The following CCM2L variants were observed in gnomAD, a reference collection of about 807,000 sequenced individuals.
CCM2L encodes the protein CCM2 like scaffold protein, also known as cerebral cavernous malformations 2 protein-like.
Under a neutral mutation model 54.1 loss-of-function variants are expected in CCM2L, and 36 were observed. The observed-to-expected ratio is 0.67, with a 90% CI of 0.51 to 0.88. The LOEUF (loss-of-function observed/expected upper bound fraction) is 0.88, where lower values mean the gene tolerates loss of function less well. Ranked by LOEUF, CCM2L falls within the 40% of genes least tolerant of loss-of-function variation. The pLI, the probability that CCM2L is intolerant of heterozygous loss-of-function variation, is 0.00. For synonymous variants in CCM2L, 351 were observed against 359.3 expected (o/e 0.98, Z 0.26); for missense variants, 700 against 812.1 (o/e 0.86, Z 1.68).
At chr20:32,028,907 G>A in intron 7 of CCM2L, 88 bp from the exon 8 acceptor site, 1 of 1,559,080 alleles carries the variant, frequency 6.4e-7, no homozygotes, top group South Asian at 1.2e-5. Context: ...CCAGCATGCA[G>A]TCTAGGATGA....
chr20:32,031,192 C>A lies in CCM2L; in HGVS notation c.1594C>A (p.Arg532=). ...GCGGCCCGAGGCACAGGCCTTCCAC[C>A]GGCTGCTGGCTGACATCACGCACGA... ...AQRPEAQAFH[R]LLADITHDIE... Residue 532 remains arginine, a synonymous_variant, in exon 10 of 10, where the codon CGG becomes AGG. Coordinates refer to ENST00000452892, the MANE Select transcript of CCM2L (RefSeq NM_001365692.1). 1 of 1,301,734 alleles carries A rather than the reference C, an allele frequency of 7.7e-7. No individual in the cohort carries two copies. The allele number at this position is 1,301,734 out of a possible 1,614,324, so 80.6% of individuals were successfully genotyped here.
chr20:32,018,209 GGGGGAGGGGCGGGGGCGGGGGC>G (rs1221239785), intron 4 of CCM2L, 47 bp downstream of exon 4: 5 of 290,634 alleles, frequency 1.7e-5, no homozygotes, highest in African/African-American at 5.6e-5. Flanking sequence ...GGGCGGGGGC[GGGGGAGGGGCGGGGGCGGGGGC>G]GGGGCAGGGG....
Position 32,028,692 on chromosome 20 carries a change from A to G in CCM2L, c.1134-303A>G. ...CATTTAAGATCACGGGATGAGTAAG[A>G]GTTAGCTGTGCAAAAGGGAGGGGAA... On this transcript the variant is annotated intron_variant, in intron 7 of 9. Transcript: ENST00000452892. 7.6e-6 allele frequency: 3 copies of G among 393,584 alleles called. No homozygotes were observed. In the South Asian group the frequency reaches 8.1e-5, roughly 11 times the overall value. 24.4% of individuals were successfully genotyped at this position (393,584 alleles called of 1,614,324 possible). A position where few individuals can be genotyped will look rare whatever the true frequency, so the allele number is the denominator to read the frequency against.
chr20:32,026,526 C>A (rs2064862031), intron 7 of CCM2L, among the ~76,000 whole-genome samples: 1 of 152,090 alleles, frequency 6.6e-6, no homozygotes, highest in Non-Finnish European at 1.5e-5. Flanking sequence ...TAGGCCAGAA[C>A]TTGGTCACAT....
intron 9 of CCM2L, 64 bp downstream of exon 9, chr20:32,029,902 C>A: frequency 6.9e-7 from 1 of 1,450,556 alleles, no homozygotes; most frequent in South Asian, 1.4e-5. Flanking sequence ...CCATCCCAGT[C>A]AGGCACCAGG....
At chr20:32,027,466 A>T (rs1458015916) in intron 7 of CCM2L, among the ~76,000 whole-genome samples, 1 of 152,246 alleles carries the variant, frequency 6.6e-6, no homozygotes, top group Non-Finnish European at 1.5e-5. Context: ...GCTACTGTTT[A>T]TTGCTTATAG....
Position 32,018,010 on chromosome 20 carries a change from C to A in CCM2L, c.314C>A (p.Ala105Glu). The A allele has an allele frequency of 6.2e-7, 1 of 1,613,822 alleles. No homozygotes were observed. Among genetic ancestry groups the A allele is most frequent in the Non-Finnish European group, 8.5e-7 (1 of 1,179,980 alleles). The change falls in exon 4 of 10, where the codon GCG becomes GAG. Residue 105 changes from alanine to glutamate, a missense_variant. Physicochemically the swap from Ala to Glu is moderately radical, Grantham distance 107. Transcript: ENST00000452892. ...QLKELPLKTT[A>E]EQDSILSLSA... ...AAGGAGCTGCCGCTGAAGACCACGGCGGAGCAGGACAGCATCCTGAGCCTG... is the reference window on the plus strand; with the variant it reads ...AAGGAGCTGCCGCTGAAGACCACGGAGGAGCAGGACAGCATCCTGAGCCTG...
At chr20:32,020,371 AC>A (rs1264135976) in intron 5 of CCM2L, among the ~76,000 whole-genome samples, 1 of 152,132 alleles carries the variant, frequency 6.6e-6, no homozygotes, top group Non-Finnish European at 1.5e-5. Context: ...CTTTTCTCCT[AC>A]CAAGCTGGTT....
chr20:32,023,627 G>T (rs1002861290), intron 6 of CCM2L, among the ~76,000 whole-genome samples: 28 of 152,240 alleles, frequency 1.8e-4, no homozygotes. Flanking sequence ...TGCCTAGCAC[G>T]AGACTGGGTA....
rs2122360910 is a variant in CCM2L, at chr20:32,025,893, T to C, written c.1107T>C (p.Asp369=). The change falls in exon 7 of 10, where the codon GAT becomes GAC. Residue 369 remains aspartate, a synonymous_variant. Coordinates refer to ENST00000452892, the MANE Select transcript of CCM2L (RefSeq NM_001365692.1). ...ACACAGATGGGACGTATGCCTATGA[T>C]GCCGACTTCAGCTGCTGCAGCTCCT... ...SCHTDGTYAY[D]ADFSCCSSFN... is the part of the protein sequence containing the mutation. The C allele has an allele frequency of 1.5e-6, 2 of 1,304,200 alleles. No homozygotes were observed. Among genetic ancestry groups the C allele is most frequent in the Non-Finnish European group, 2.0e-6 (2 of 988,950 alleles). 80.8% of individuals were successfully genotyped at this position (1,304,200 alleles called of 1,614,324 possible).
At chr20:32,029,197 A>G in intron 8 of CCM2L, 73 bp downstream of exon 8, 1 of 1,594,214 alleles carries the variant, frequency 6.3e-7, no homozygotes, top group Non-Finnish European at 8.6e-7. Context: ...TGGGAATGGC[A>G]CATTGCCCTG....
chr20:32,029,670 G>T (rs1303224310), intron 8 of CCM2L, 30 bp from the exon 9 acceptor site: 1 of 1,577,916 alleles, frequency 6.3e-7, no homozygotes, highest in Admixed American at 1.8e-5. Flanking sequence ...TGCTTCCTGG[G>T]ATTGATCTCG....
intron 1 of CCM2L, among the ~76,000 whole-genome samples, chr20:32,014,260 T>TTC (rs2064718869): frequency 8.2e-6 from 1 of 122,260 alleles, no homozygotes; most frequent in Admixed American, 7.8e-5. Context: ...TATATATATA[T>TTC]ATTTTTTTTT....
chr20:32,023,845 T>C (rs985970315), intron 6 of CCM2L, among the ~76,000 whole-genome samples: 5 of 152,160 alleles, frequency 3.3e-5, no homozygotes, highest in Non-Finnish European at 7.4e-5. Context: ...ATTCTCCTGC[T>C]TCAGCCTCCT....
chr20:32,017,299 A>G (rs1169565074), intron 2 of CCM2L, among the ~76,000 whole-genome samples: 1 of 152,216 alleles, frequency 6.6e-6, no homozygotes, highest in Admixed American at 6.5e-5. Flanking sequence ...GACTTCTGCA[A>G]CAAGACCATA....
Position 32,019,367 on chromosome 20 carries a change from C to G in CCM2L, c.891C>G (p.Pro297=). 7 of 1,521,946 alleles carry G rather than the reference C, an allele frequency of 4.6e-6. No individual in the cohort carries two copies. The highest frequency in any genetic ancestry group is 6.1e-6 in the Non-Finnish European group (7 of 1,142,788). 94.3% of individuals were successfully genotyped at this position (1,521,946 alleles called of 1,614,324 possible). Residue 297 remains proline (P), a synonymous_variant, in exon 5 of 10, where the codon CCC becomes CCG. Coordinates refer to ENST00000452892, the MANE Select transcript of CCM2L (RefSeq NM_001365692.1). ...CGCTCGACCCGCAGGACCCCAGCCCCGACGCCTACTGCAACCTGGTCATCC... is the reference window on the plus strand; with the variant it reads ...CGCTCGACCCGCAGGACCCCAGCCCGGACGCCTACTGCAACCTGGTCATCC... ...PNPLDPQDPS[P]DAYCNLVILA...
intron 1 of CCM2L, among the ~76,000 whole-genome samples, chr20:32,013,944 G>A (rs1050035394): frequency 6.6e-6 from 1 of 152,120 alleles, no homozygotes; most frequent in Non-Finnish European, 1.5e-5. Flanking sequence ...CCTAGGTGGT[G>A]CTGCTGGTCC....
chr20:32,013,579 T>C (rs907736158), intron 1 of CCM2L, among the ~76,000 whole-genome samples: 1 of 151,982 alleles, frequency 6.6e-6, no homozygotes, highest in Admixed American at 6.6e-5. Flanking sequence ...GTAGCTGGGA[T>C]TACAGGTACA....
In CCM2L at chr20:32,018,131, C is replaced by G; in HGVS notation, c.435C>G (p.Asp145Glu). ...HEIAAASYLQDDALHLLVLKT... is the reference protein window; with the variant it reads ...HEIAAASYLQEDALHLLVLKT... Reference sequence around the variant, plus strand: ...TCGCCGCCGCCTCCTACCTGCAGGACGACGCGCTGCACCTGCTAGTGCTCA... The same window carrying G: ...TCGCCGCCGCCTCCTACCTGCAGGAGGACGCGCTGCACCTGCTAGTGCTCA... Residue 145 changes from aspartate to glutamate, a missense_variant, in exon 4 of 10, where the codon GAC (aspartate) becomes GAG (glutamate). Coordinates refer to ENST00000452892, the MANE Select transcript of CCM2L (RefSeq NM_001365692.1). 6.2e-7 allele frequency: 1 copy of G among 1,601,386 alleles called. No individual in the cohort carries two copies. Among genetic ancestry groups the G allele is most frequent in the South Asian group, 1.1e-5 (1 of 89,714 alleles).
Sources: allele counts gnomAD v4.1 joint callset (sites outside exome capture counted in the v4.1 genomes callset), GRCh38; gene constraint gnomAD v4.1.1; transcripts MANE v1.5; gene names NCBI Gene and HGNC (gene_info 2026-07-23, HGNC 2026-07-21).